Variants in XKR4 observed in about 807,000 individuals in gnomAD.
XKR4 encodes the protein XK-related protein 4.
XKR4 carries 12 observed loss-of-function variants against 53.9 expected under a neutral mutation model. The ratio of observed to expected loss-of-function variants is 0.22; its 90% CI spans 0.14 to 0.36. The LOEUF (loss-of-function observed/expected upper bound fraction) is 0.36, where lower values mean the gene tolerates loss of function less well. Among genes scored for constraint, XKR4 ranks in the 10% least tolerant of loss-of-function variants. The probability of loss-of-function intolerance (pLI) is 1.00; values close to 1 mark genes in which losing one functional copy is unlikely to be tolerated. For synonymous variants in XKR4, 354 were observed against 362.4 expected, an observed-to-expected ratio of 0.98 and a Z score of 0.26; for missense variants, 799 against 859.5, an observed-to-expected ratio of 0.93 and a Z score of 0.88.
At chr8:55,232,132 T>C (rs1818050615) in intron 1 of XKR4, among the ~76,000 whole-genome samples, 1 of 152,222 alleles carries the variant, frequency 6.6e-6, no homozygotes, top group Admixed American at 6.5e-5. Context: ...GGAGTCATTT[T>C]CCGTTGGGTT....
At chr8:55,495,615 T>C (rs1283563115) in intron 2 of XKR4, among the ~76,000 whole-genome samples, 1 of 152,130 alleles carries the variant, frequency 6.6e-6, no homozygotes, top group Non-Finnish European at 1.5e-5. Context: ...GATTGTCTCC[T>C]TCCCCCCCAG....
At chr8:55,153,816 T>G (rs1452872849) in intron 1 of XKR4, among the ~76,000 whole-genome samples, 1 of 152,206 alleles carries the variant, frequency 6.6e-6, no homozygotes, top group African/African-American at 2.4e-5. Context: ...GCTCATGCTT[T>G]CTTGATACTA....
At chr8:55,276,927 A>G (rs954241274) in intron 1 of XKR4, among the ~76,000 whole-genome samples, 4 of 152,258 alleles carry the variant, frequency 2.6e-5, no homozygotes, top group Admixed American at 6.5e-5. Flanking sequence ...AGGTAAAGCC[A>G]TGCAAACTGT....
intron 1 of XKR4, among the ~76,000 whole-genome samples, chr8:55,256,652 AG>A (rs1442362361): frequency 6.6e-6 from 1 of 152,164 alleles, no homozygotes; most frequent in Non-Finnish European, 1.5e-5. Flanking sequence ...TTTCAGAGGT[AG>A]GGGGATGAGG....
chr8:55,205,268 A>T (rs1366407971), intron 1 of XKR4, among the ~76,000 whole-genome samples: 1 of 152,250 alleles, frequency 6.6e-6, no homozygotes, highest in Non-Finnish European at 1.5e-5. Context: ...ATGTCATACA[A>T]CATGCACATT....
At chr8:55,104,051 T>A (rs183972992) in intron 1 of XKR4, among the ~76,000 whole-genome samples, 2 of 152,104 alleles carry the variant, frequency 1.3e-5, no homozygotes, top group East Asian at 3.9e-4. Flanking sequence ...GTACTTGGTA[T>A]CTTCGTTGGC....
At chr8:55,517,660 T>C (rs1585616083) in intron 2 of XKR4, 2 of 152,318 alleles carry the variant, frequency 1.3e-5, no homozygotes, top group Middle Eastern at 6.8e-3. Context: ...GATGGCAGTG[T>C]GGCTGGAGCA....
chr8:55,310,279 A>C (rs142640462), intron 1 of XKR4, among the ~76,000 whole-genome samples: 214 of 152,328 alleles, frequency 1.4e-3, no homozygotes, highest in African/African-American at 4.9e-3. Context: ...CTTTGGTAGA[A>C]TGGGCTCCGG....
At chr8:55,401,895 T>C (rs532540026) in intron 2 of XKR4, among the ~76,000 whole-genome samples, 24 of 152,354 alleles carry the variant, frequency 1.6e-4, no homozygotes, top group African/African-American at 5.8e-4. Flanking sequence ...TATTTACTAA[T>C]TCATTTGAAA....
At chr8:55,230,471 T>A (rs1045510930) in intron 1 of XKR4, among the ~76,000 whole-genome samples, 2 of 150,616 alleles carry the variant, frequency 1.3e-5, no homozygotes, top group Non-Finnish European at 3.0e-5. Context: ...CAAGCAATCC[T>A]CCTGCCTCTG....
At chr8:55,479,343 G>C (rs1806061109) in intron 2 of XKR4, among the ~76,000 whole-genome samples, 1 of 152,014 alleles carries the variant, frequency 6.6e-6, no homozygotes, top group African/African-American at 2.4e-5. Context: ...GATGTTCTTT[G>C]AAACCAACGA....
At chr8:55,253,731 C>CT (rs67608017) in intron 1 of XKR4, among the ~76,000 whole-genome samples, 1,569 of 113,724 alleles carry the variant, frequency 0.014, 35 homozygotes, top group African/African-American at 0.038. Flanking sequence ...ATTTTCTTTT[C>CT]TTTTTTTTTT....
intron 1 of XKR4, among the ~76,000 whole-genome samples, chr8:55,305,759 A>G (rs538376936): frequency 6.6e-6 from 1 of 152,236 alleles, no homozygotes; most frequent in African/African-American, 2.4e-5. Flanking sequence ...CTCATTCCCA[A>G]CCCACCAAGC....
intron 2 of XKR4, among the ~76,000 whole-genome samples, chr8:55,503,109 A>G (rs1197773053): frequency 6.6e-6 from 1 of 152,120 alleles, no homozygotes; most frequent in Non-Finnish European, 1.5e-5. Flanking sequence ...GTAGCTTTGT[A>G]GTAAGCTTTC....
intron 2 of XKR4, among the ~76,000 whole-genome samples, chr8:55,501,277 A>G (rs185778853): frequency 8.5e-5 from 13 of 152,286 alleles, no homozygotes; most frequent in Admixed American, 7.8e-4. Context: ...ATACATGCAA[A>G]ATAAAATTTA....
At chr8:55,513,918 T>G (rs116929832) in intron 2 of XKR4, among the ~76,000 whole-genome samples, 1 of 152,178 alleles carries the variant, frequency 6.6e-6, no homozygotes, top group African/African-American at 2.4e-5. Flanking sequence ...GTGAAATGAG[T>G]GAGGGGCCAG....
intron 2 of XKR4, among the ~76,000 whole-genome samples, chr8:55,473,022 A>G (rs1308381662): frequency 6.6e-6 from 1 of 152,072 alleles, no homozygotes; most frequent in African/African-American, 2.4e-5. Flanking sequence ...ATATTGATCC[A>G]TTGGTCCTGG....
intron 1 of XKR4, among the ~76,000 whole-genome samples, chr8:55,301,762 T>C (rs1478886210): frequency 6.6e-6 from 1 of 152,244 alleles, no homozygotes; most frequent in East Asian, 1.9e-4. Context: ...ATGAACATTT[T>C]TTCATGTGTC....
intron 2 of XKR4, among the ~76,000 whole-genome samples, chr8:55,398,956 A>T (rs540913795): frequency 2.6e-4 from 40 of 152,238 alleles, no homozygotes; most frequent in African/African-American, 9.1e-4. Context: ...AAAAGTTTTG[A>T]TGTCTGTTGA....
Sources: gnomAD v4.1 joint callset for allele counts (sites outside exome capture counted in the v4.1 genomes callset) on GRCh38, gnomAD v4.1.1 for gene constraint, MANE v1.5 for transcripts, NCBI Gene and HGNC (gene_info 2026-07-23, HGNC 2026-07-21) for gene names.